The following UNC79 variants were observed in gnomAD, a reference collection of about 807,000 sequenced individuals.
The protein encoded by UNC79 is unc-79 subunit of NALCN channel complex.
A neutral mutation model predicts 283.1 loss-of-function variants in UNC79; 37 were observed. The observed-to-expected ratio is 0.13, with a 90% confidence interval of 0.10 to 0.17. UNC79 has a LOEUF of 0.17. Among genes scored for constraint, UNC79 ranks in the 10% least tolerant of loss-of-function variants. UNC79 has a pLI of 1.00. For synonymous variants in UNC79, 1,107 were observed against 1,200.2 expected (o/e 0.92, Z 1.61); for missense variants, 2,272 against 3,211.1 (o/e 0.71, Z 7.07).
chr14:93,345,740 C>T (rs1434196740), intron 1 of UNC79, among the ~76,000 whole-genome samples: 1 of 151,890 alleles, frequency 6.6e-6, no homozygotes, highest in African/African-American at 2.4e-5. Flanking sequence ...ACAAAGAAAA[C>T]AGAGAAGCAA....
intron 47 of UNC79, among the ~76,000 whole-genome samples, 195 bp from the exon 51 acceptor site, chr14:93,704,430 C>T (rs542153621): frequency 1.3e-5 from 2 of 152,350 alleles, no homozygotes; most frequent in East Asian, 3.9e-4. Flanking sequence ...GCTTATTAAC[C>T]TCCAAATGCC....
intron 5 of UNC79, among the ~76,000 whole-genome samples, chr14:93,489,546 A>G (rs2058621839): frequency 6.6e-6 from 1 of 152,236 alleles, no homozygotes; most frequent in African/African-American, 2.4e-5. Context: ...GGGAAAGAAA[A>G]AAGGTGTAAC....
At chr14:93,365,795 T>C (rs1566894800) in intron 1 of UNC79, among the ~76,000 whole-genome samples, 2 of 152,038 alleles carry the variant, frequency 1.3e-5, no homozygotes, top group African/African-American at 2.4e-5. Flanking sequence ...ATCTGTCTAA[T>C]AGGAATTTCA....
intron 1 of UNC79, among the ~76,000 whole-genome samples, chr14:93,346,512 C>T (rs772319190): frequency 3.9e-5 from 6 of 152,152 alleles, no homozygotes; most frequent in Non-Finnish European, 8.8e-5. Flanking sequence ...GCCGTAGTGA[C>T]AGATAATTAC....
chr14:93,358,005 C>A (rs1033337994), intron 1 of UNC79, among the ~76,000 whole-genome samples: 2 of 146,896 alleles, frequency 1.4e-5, no homozygotes, highest in Non-Finnish European at 3.0e-5. Flanking sequence ...TTAGATCTGT[C>A]CCTCTGGAGA....
At chr14:93,577,797 A>T (rs747818792) in intron 17 of UNC79, 45 bp from the exon 18 acceptor site, 1 of 1,585,686 alleles carries the variant, frequency 6.3e-7, no homozygotes, top group Non-Finnish European at 8.6e-7. Context: ...CAGCAATTTG[A>T]GCTTCTGTGA....
chr14:93,449,245 T>C (rs2056557897), intron 1 of UNC79, among the ~76,000 whole-genome samples: 1 of 152,216 alleles, frequency 6.6e-6, no homozygotes, highest in African/African-American at 2.4e-5. Context: ...CTGTTGCCAC[T>C]GTCCTCTTTC....
At chr14:93,355,641 TTAA>T (rs1240937579) in intron 1 of UNC79, among the ~76,000 whole-genome samples, 1 of 152,238 alleles carries the variant, frequency 6.6e-6, no homozygotes, top group Non-Finnish European at 1.5e-5. Context: ...TTTTACAGTC[TTAA>T]TAATTTTACA....
intron 1 of UNC79, among the ~76,000 whole-genome samples, chr14:93,442,457 A>G (rs1475052178): frequency 1.3e-5 from 2 of 152,088 alleles, no homozygotes; most frequent in African/African-American, 4.8e-5. Context: ...CATGTGAACT[A>G]GCTTATTCTT....
In UNC79 at chr14:93,637,382, G is replaced by C; in HGVS notation, c.5800+83G>C. On this transcript the variant is annotated intron_variant, in intron 32 of 48. Transcript: ENST00000555664. ...TCATTTGGTCACCCAGCAGGTGCAG[G>C]CTTTTTCTTAGCACCTCCATGGAGT... 1.9e-6 allele frequency: 3 copies of C among 1,569,468 alleles called. No homozygotes were observed. The South Asian group carries it at 3.6e-5, about 19-fold the overall frequency.
intron 1 of UNC79, among the ~76,000 whole-genome samples, chr14:93,348,932 T>C (rs908604422): frequency 5.3e-5 from 8 of 152,238 alleles, no homozygotes; most frequent in Non-Finnish European, 1.0e-4. Flanking sequence ...GGCAACCCGC[T>C]GGGGTCCCCT....
At chr14:93,605,523 A>G (rs563533288) in intron 26 of UNC79, among the ~76,000 whole-genome samples, 45 of 152,322 alleles carry the variant, frequency 3.0e-4, no homozygotes, top group South Asian at 2.5e-3. Flanking sequence ...ATCATGAAGT[A>G]GCCTAAGAGG....
rs1242890 is a variant in UNC79 at position 93,580,110 on chromosome 14, G to T, written c.2434-39G>T. On this transcript the variant is annotated intron_variant, in intron 18 of 48. Coordinates refer to ENST00000555664, the Ensembl canonical transcript of UNC79. ...AACTCCTTCTTCTTCTTTTTTTTTT[G>T]TGTGTGTGTGCGTGTGTCCTTTTTT... 7.2e-4 allele frequency: 968 copies of T among 1,340,842 alleles called. 2 individuals are homozygous for T. The East Asian group carries it at 0.011, about 15-fold the overall frequency. The allele number at this position is 1,340,842 out of a possible 1,614,324, so 83.1% of individuals were successfully genotyped here. A position where few individuals can be genotyped will look rare whatever the true frequency, so the allele number is the denominator to read the frequency against.
At position 93,603,426 on chromosome 14, in the gene UNC79, ATCT is replaced by A. The variant is rs1566754357; in HGVS notation, c.3754+13_3754+15del. On this transcript the variant is annotated intron_variant, in intron 26 of 48. Coordinates refer to ENST00000555664, the Ensembl canonical transcript of UNC79. ...CCCTGACCTCCAAAATTCGTTGAGT[ATCT>A]TCTTTCATCCTTCCGTTAAATCTGT... 1 of 1,613,026 alleles carries A rather than the reference ATCT, an allele frequency of 6.2e-7. No individual in the cohort carries two copies. The highest frequency in any genetic ancestry group is 8.5e-7 in the Non-Finnish European group (1 of 1,179,608).
At chr14:93,607,292 C>G (rs1170678853) in intron 26 of UNC79, among the ~76,000 whole-genome samples, 1 of 152,114 alleles carries the variant, frequency 6.6e-6, no homozygotes, top group Non-Finnish European at 1.5e-5. Context: ...TCCTCATCGC[C>G]TGGAACGCAT....
intron 1 of UNC79, among the ~76,000 whole-genome samples, chr14:93,421,232 A>G (rs2055592396): frequency 6.6e-6 from 1 of 151,716 alleles, no homozygotes; most frequent in Non-Finnish European, 1.5e-5. Context: ...AAGAGGGAAG[A>G]CTCAAATAAA....
At chr14:93,463,865 CG>C (rs2057050756) in intron 1 of UNC79, among the ~76,000 whole-genome samples, 1 of 152,096 alleles carries the variant, frequency 6.6e-6, no homozygotes, top group Non-Finnish European at 1.5e-5. Flanking sequence ...AAGATTTCCT[CG>C]GGGCCGGGCG....
chr14:93,389,603 A>G (rs1460012088), intron 1 of UNC79, among the ~76,000 whole-genome samples: 1 of 151,944 alleles, frequency 6.6e-6, no homozygotes, highest in Non-Finnish European at 1.5e-5. Flanking sequence ...GGCCTTACAC[A>G]GAAGCACCAA....
At chr14:93,567,924 C>T (rs114984391) in intron 14 of UNC79, among the ~76,000 whole-genome samples, 4,370 of 152,158 alleles carry the variant, frequency 0.029, 84 homozygotes, top group Middle Eastern at 0.082. Flanking sequence ...TCCAGAAAGG[C>T]GGGGACAACT....
Sources: gnomAD v4.1 joint callset for allele counts (sites outside exome capture counted in the v4.1 genomes callset) on GRCh38, gnomAD v4.1.1 for gene constraint, MANE v1.5 for transcripts, NCBI Gene and HGNC (gene_info 2026-07-23, HGNC 2026-07-21) for gene names.